The following UBXN1 variants were observed in gnomAD, a reference collection of about 807,000 sequenced individuals.
UBXN1 encodes the protein UBX domain-containing protein 1.
In UBXN1, 21 loss-of-function variants were observed where a neutral mutation model predicts 42.0. The ratio of observed to expected loss-of-function variants is 0.50; its 90% CI spans 0.35 to 0.72. The LOEUF (loss-of-function observed/expected upper bound fraction) is 0.72. UBXN1 is among the 30% of genes least tolerant of loss of function. The pLI, the probability that UBXN1 is intolerant of heterozygous loss-of-function variation, is 0.00. For missense variants in UBXN1, 374 were observed against 382.2 expected (o/e 0.98, Z 0.18); for synonymous variants, 172 against 142.6 (o/e 1.21, Z -1.47).
intron 1 of UBXN1, 24 bp downstream of exon 1, chr11:62,678,841 G>T: frequency 6.2e-7 from 1 of 1,608,440 alleles, no homozygotes. Flanking sequence ...ACACCCGCAG[G>T]CCGGGGTTGG....
At chr11:62,678,445 T>A in intron 3 of UBXN1, 37 bp from the exon 4 acceptor site, 2 of 1,614,078 alleles carry the variant, frequency 1.2e-6, no homozygotes, top group Non-Finnish European at 8.5e-7. Context: ...TCCCTTCAGA[T>A]TCTCCTCGGA....
At position 62,679,021 on chromosome 11, in the gene UBXN1, G is replaced by A. The variant is rs1407653132; in HGVS notation, c.-98C>T. On this transcript the variant is annotated 5_prime_UTR_variant, in exon 1 of 9. Transcript: ENST00000301935. ...CAACCCGCCCTCGACACCCGCCGAC[G>A]GGCGCTCGCTCTCTCACCCGGCTCT... 5 of 1,360,830 alleles carry A rather than the reference G, an allele frequency of 3.7e-6. No individual in the cohort carries two copies. The highest frequency in any genetic ancestry group is 2.5e-5 in the East Asian group (1 of 39,784). The allele number at this position is 1,360,830 out of a possible 1,614,324, so 84.3% of individuals were successfully genotyped here. A position where few individuals can be genotyped will look rare whatever the true frequency, so the allele number is the denominator to read the frequency against.
intron 4 of UBXN1, 50 bp from the exon 5 acceptor site, chr11:62,678,168 G>A (rs769719214): frequency 6.8e-6 from 11 of 1,607,088 alleles, no homozygotes; most frequent in East Asian, 2.2e-5. Context: ...GAGTGGGAAG[G>A]TGTAAAGTTT....
At chr11:62,678,316 A>G in intron 4 of UBXN1, 23 bp downstream of exon 4, 2 of 1,614,134 alleles carry the variant, frequency 1.2e-6, no homozygotes, top group East Asian at 2.2e-5. Flanking sequence ...ACCCTCAGAC[A>G]CGTGAGATTG....
In UBXN1 at chr11:62,677,921, C is replaced by T. The variant is rs1945054758; in HGVS notation, c.482+6G>A. On this transcript the variant is annotated splice_donor_region_variant and intron_variant, in intron 5 of 8. Coordinates refer to ENST00000301935, the MANE Select transcript of UBXN1 (RefSeq NM_001286077.2). ...ATCTGCTATCCATCATTTCCCCTGC[C>T]CAGACCTGGCTGCTAACTCCTCGGC... 6.2e-7 allele frequency: 1 copy of T among 1,613,944 alleles called. No homozygotes were observed. Among genetic ancestry groups the T allele is most frequent in the South Asian group, 1.1e-5 (1 of 91,084 alleles).
At chr11:62,676,746 C>G in intron 8 of UBXN1, 67 bp downstream of exon 8, 1 of 1,614,190 alleles carries the variant, frequency 6.2e-7, no homozygotes, top group Non-Finnish European at 8.5e-7. Context: ...TTGCATCCCT[C>G]CTTTTCCTAG....
chr11:62,677,894 T>C, intron 5 of UBXN1, 33 bp downstream of exon 5: 4 of 1,614,162 alleles, frequency 2.5e-6, no homozygotes, highest in Non-Finnish European at 3.4e-6. Context: ...GATTTCTTTC[T>C]CATCTGCTAT....
Position 62,676,973 on chromosome 11 carries a change from C to G in UBXN1, c.684G>C (p.Gln228His). The G allele has an allele frequency of 6.2e-7, 1 of 1,611,614 alleles. No homozygotes were observed. The highest frequency in any genetic ancestry group is 1.3e-5 in the African/African-American group (1 of 75,054). ...VRLPDGTSLTQTFRAREQLAA... is the reference protein window; with the variant it reads ...VRLPDGTSLTHTFRAREQLAA... ...CCAGCTGTTCCCGGGCCCGGAACGTCTGGGTCAGTGAGGTCCCATCTGGCA... is the reference window on the plus strand; with the variant it reads ...CCAGCTGTTCCCGGGCCCGGAACGTGTGGGTCAGTGAGGTCCCATCTGGCA... The change falls in exon 8 of 9, where the codon CAG becomes CAC. Residue 228 changes from glutamine to histidine, a missense_variant. Transcript: ENST00000301935.
chr11:62,678,238 A>G, intron 4 of UBXN1, 101 bp downstream of exon 4: 1 of 1,605,286 alleles, frequency 6.2e-7, no homozygotes, highest in Non-Finnish European at 8.5e-7. Context: ...AGAAAATGCC[A>G]AGAAAGAGGA....
Position 62,679,071 on chromosome 11 carries a change from A to G in UBXN1, c.-148T>C, listed in dbSNP as rs550611655. 3.3e-5 allele frequency: 28 copies of G among 854,992 alleles called. No individual in the cohort carries two copies. The African/African-American group carries it at 3.9e-4, about 12-fold the overall frequency. The allele number at this position is 854,992 out of a possible 1,614,324, so 53.0% of individuals were successfully genotyped here. A position where few individuals can be genotyped will look rare whatever the true frequency, so the allele number is the denominator to read the frequency against. On this transcript the variant is annotated 5_prime_UTR_variant, in exon 1 of 9. Transcript: ENST00000301935. ...TATAGCAGCCGGGAACACCGACGAG[A>G]AGAAAGCCGAGGGGAAGCGGAAGTG...
chr11:62,677,362 A>G (rs1945036434), intron 7 of UBXN1, 156 bp downstream of exon 7: 1 of 785,470 alleles, frequency 1.3e-6, no homozygotes, highest in Non-Finnish European at 2.1e-6. Flanking sequence ...GTGAAATTTG[A>G]TACCTTTCCC....
In UBXN1 at chr11:62,676,774, C is replaced by G. The variant is rs1565134120; in HGVS notation, c.844+39G>C. 1 of 1,614,216 alleles carries G rather than the reference C, an allele frequency of 6.2e-7. No individual in the cohort carries two copies. The highest frequency in any genetic ancestry group is 1.7e-5 in the Admixed American group (1 of 60,018). Reference sequence around the variant, plus strand: ...TTTCCTAGGCATGCCTCCCTACTCCCCCAGTTTCTAGTCCTGGTTTCTAGT... The same window carrying G: ...TTTCCTAGGCATGCCTCCCTACTCCGCCAGTTTCTAGTCCTGGTTTCTAGT... On this transcript the variant is annotated intron_variant, in intron 8 of 8. Transcript: ENST00000301935.
Position 62,678,530 on chromosome 11 carries a change from C to A in UBXN1, c.185G>T (p.Arg62Leu), listed in dbSNP as rs1211498268. The part of the protein sequence containing the change: ...LETPLGHILG[R>L]EPTSSEQGGL... ...GCCTTGCTCTGAGGAAGTGGGCTCCCGTCCCAGGATATGTCCAAGGGGAGT... is the reference window on the plus strand; with the variant it reads ...GCCTTGCTCTGAGGAAGTGGGCTCCAGTCCCAGGATATGTCCAAGGGGAGT... The change falls in exon 3 of 9, where the codon CGG becomes CTG. Residue 62 changes from arginine (R) to leucine (L), a missense_variant. By Grantham distance (102) the Arg-to-Leu change is moderately radical (BLOSUM62 -2). Coordinates refer to ENST00000301935, the MANE Select transcript of UBXN1 (RefSeq NM_001286077.2). The A allele has an allele frequency of 6.2e-7, 1 of 1,611,226 alleles. No homozygotes were observed. Among genetic ancestry groups the A allele is most frequent in the Non-Finnish European group, 8.5e-7 (1 of 1,178,436 alleles).
rs1783880135 is a variant in UBXN1, at chr11:62,677,969, G to A, written c.440C>T (p.Ala147Val). 3 of 1,614,058 alleles carry A rather than the reference G, an allele frequency of 1.9e-6. No individual in the cohort carries two copies. Among genetic ancestry groups the A allele is most frequent in the Non-Finnish European group, 1.7e-6 (2 of 1,180,004 alleles). The change falls in exon 5 of 9, where the codon GCT becomes GTT. Residue 147 changes from alanine (A) to valine (V), a missense_variant. Transcript: ENST00000301935. Reference protein sequence around the residue: ...RLQEDEMRRAAEERRREKAEE... With the variant: ...RLQEDEMRRAVEERRREKAEE... Reference sequence around the variant, plus strand: ...GGCCTTTTCCCTCCGCCTCTCCTCAGCAGCCCGGCGCATCTCATCTTCCTG... The same window carrying A: ...GGCCTTTTCCCTCCGCCTCTCCTCAACAGCCCGGCGCATCTCATCTTCCTG...
chr11:62,677,382 G>T, intron 7 of UBXN1, 136 bp downstream of exon 7: 1 of 894,238 alleles, frequency 1.1e-6, no homozygotes, highest in Non-Finnish European at 1.8e-6. Flanking sequence ...CAAGAGTAGA[G>T]ATAGGATTTC....
At chr11:62,676,772 C>G in intron 8 of UBXN1, 41 bp downstream of exon 8, 1 of 1,614,200 alleles carries the variant, frequency 6.2e-7, no homozygotes, top group Non-Finnish European at 8.5e-7. Context: ...CCTCCCTACT[C>G]CCCCAGTTTC....
In UBXN1 at chr11:62,676,857, C is replaced by G; in HGVS notation, c.800G>C (p.Arg267Pro). 1 of 1,614,094 alleles carries G rather than the reference C, an allele frequency of 6.2e-7. No homozygotes were observed. Among genetic ancestry groups the G allele is most frequent in the Non-Finnish European group, 8.5e-7 (1 of 1,180,032 alleles). ...PVQLLSGFPR[R>P]AFSEADMERP... ...CTCCATGTCAGCTTCTGAGAAGGCC[C>G]GTCTGGGGAAGCCACTGAGCAATTG... Residue 267 changes from arginine (R) to proline (P), a missense_variant, in exon 8 of 9, where the codon CGG becomes CCG. By Grantham distance (103) the Arg-to-Pro change is moderately radical (BLOSUM62 -2). Transcript: ENST00000301935.
In UBXN1 at chr11:62,679,005, C is replaced by T; in HGVS notation, c.-82G>A. On this transcript the variant is annotated 5_prime_UTR_variant, in exon 1 of 9. Coordinates refer to ENST00000301935, the MANE Select transcript of UBXN1 (RefSeq NM_001286077.2). ...AAGGGTCAGCGCGAGGCAACCCGCC[C>T]TCGACACCCGCCGACGGGCGCTCGC... 1 of 1,459,284 alleles carries T rather than the reference C, an allele frequency of 6.9e-7. No individual in the cohort carries two copies. Among genetic ancestry groups the T allele is most frequent in the Non-Finnish European group, 9.2e-7 (1 of 1,089,496 alleles). The allele number at this position is 1,459,284 out of a possible 1,614,324, so 90.4% of individuals were successfully genotyped here. A position where few individuals can be genotyped will look rare whatever the true frequency, so the allele number is the denominator to read the frequency against.
At chr11:62,677,700 G>A (rs1945047796) in intron 6 of UBXN1, 66 bp from the exon 7 acceptor site, 3 of 1,612,776 alleles carry the variant, frequency 1.9e-6, no homozygotes, top group Non-Finnish European at 2.5e-6. Flanking sequence ...GATCATATAA[G>A]CCCATGCTTT....
Sources: allele counts gnomAD v4.1 joint callset, GRCh38; gene constraint gnomAD v4.1.1; transcripts MANE v1.5; gene names NCBI Gene and HGNC (gene_info 2026-07-23, HGNC 2026-07-21).